RALYL: variants seen among roughly 807,000 people sequenced by gnomAD.
RALYL encodes the protein RNA-binding Raly-like protein.
A neutral mutation model predicts 35.1 loss-of-function variants in RALYL; 29 were observed. The observed-to-expected ratio is 0.83, with a 90% CI of 0.61 to 1.13. The LOEUF is 1.13. RALYL is among the 50% of genes most tolerant of loss of function. The pLI is 0.00. For synonymous variants in RALYL, 120 were observed against 127.6 expected (o/e 0.94, Z 0.40); for missense variants, 359 against 360.4 (o/e 1.00, Z 0.03).
At chr8:84,486,368 CT>C (rs2054629549) in intron 1 of RALYL, among the ~76,000 whole-genome samples, 2 of 150,516 alleles carry the variant, frequency 1.3e-5, no homozygotes, top group African/African-American at 2.4e-5. Flanking sequence ...TATATTTATA[CT>C]TTTTTGAAAA....
chr8:84,412,146 A>G (rs1476590283), intron 1 of RALYL, among the ~76,000 whole-genome samples: 1 of 151,918 alleles, frequency 6.6e-6, no homozygotes, highest in African/African-American at 2.4e-5. Flanking sequence ...ATTTTAAAGG[A>G]CAATGATAAT....
chr8:84,277,867 A>T (rs1835727306), intron 1 of RALYL, among the ~76,000 whole-genome samples: 1 of 152,198 alleles, frequency 6.6e-6, no homozygotes, highest in South Asian at 2.1e-4. Flanking sequence ...GCCTTGCAGG[A>T]TACAGCCTCG....
chr8:84,893,017 A>G (rs1424980848), intron 8 of RALYL, among the ~76,000 whole-genome samples: 2 of 152,204 alleles, frequency 1.3e-5, no homozygotes, highest in Non-Finnish European at 2.9e-5. Flanking sequence ...AAAGATATGA[A>G]CTAACTGAGG....
chr8:84,468,143 A>T (rs894759149), intron 1 of RALYL, among the ~76,000 whole-genome samples: 2 of 151,756 alleles, frequency 1.3e-5, no homozygotes, highest in Admixed American at 6.6e-5. Context: ...GTGCATTTAC[A>T]TTTAAAGTTA....
intron 1 of RALYL, among the ~76,000 whole-genome samples, chr8:84,237,728 T>TA (rs1282639465): frequency 6.6e-6 from 1 of 152,152 alleles, no homozygotes; most frequent in Non-Finnish European, 1.5e-5. Flanking sequence ...AAGTCTTTTT[T>TA]AATCTGATGA....
Position 84,532,779 on chromosome 8 carries a change from A to G in RALYL, c.256+3202A>G, listed in dbSNP as rs79258056. On this transcript the variant is annotated intron_variant, in intron 2 of 8. Coordinates refer to ENST00000521268, the MANE Select transcript of RALYL (RefSeq NM_173848.7). ...ATATGATTTAGAGATTAAAAATTAA[A>G]CATCAGTAGTACCAGGAAAAATTAA... Among the ~76,000 whole-genome samples, 718 of 152,212 alleles carry G rather than the reference A, an allele frequency of 4.7e-3. 8 individuals carry two copies. Among genetic ancestry groups the G allele is most frequent in the African/African-American group, 0.017 (700 of 41,566 alleles).
intron 4 of RALYL, among the ~76,000 whole-genome samples, chr8:84,823,000 A>T (rs1828855667): frequency 6.6e-6 from 1 of 152,158 alleles, no homozygotes. Context: ...CTGCTGCTTC[A>T]TCTCATAGTG....
chr8:84,723,299 G>A (rs985449965), intron 2 of RALYL, among the ~76,000 whole-genome samples: 5 of 151,948 alleles, frequency 3.3e-5, no homozygotes, highest in Admixed American at 6.6e-5. Context: ...TTGTGTCATG[G>A]CATCTTTCTT....
chr8:84,447,340 T>C (rs1391824817), intron 1 of RALYL, among the ~76,000 whole-genome samples: 1 of 151,858 alleles, frequency 6.6e-6, no homozygotes, highest in African/African-American at 2.4e-5. Flanking sequence ...CTTCTTTCCT[T>C]TCTTTCATAT....
At position 84,408,055 on chromosome 8, in the gene RALYL, A is replaced by G. The variant is rs76169472; in HGVS notation, c.-23-121244A>G. On this transcript the variant is annotated intron_variant, in intron 1 of 8. Coordinates refer to ENST00000521268, the MANE Select transcript of RALYL (RefSeq NM_173848.7). Reference sequence around the variant, plus strand: ...CTAATAAACCAAGAATAAGAACGCTATGAAACCTTATTTTACTTAAAAAAA... The same window carrying G: ...CTAATAAACCAAGAATAAGAACGCTGTGAAACCTTATTTTACTTAAAAAAA... 9.5e-3 allele frequency among the ~76,000 whole-genome samples: 1,439 copies of G among 152,226 alleles called. 12 individuals are homozygous for G. Among genetic ancestry groups the G allele is most frequent in the African/African-American group, 0.032 (1,328 of 41,550 alleles).
chr8:84,796,302 G>A (rs1490890537), intron 3 of RALYL, among the ~76,000 whole-genome samples: 1 of 152,180 alleles, frequency 6.6e-6, no homozygotes, highest in African/African-American at 2.4e-5. Flanking sequence ...CAGCACAGAA[G>A]CCTGGGATTG....
At chr8:84,370,760 G>A (rs763227564) in intron 1 of RALYL, among the ~76,000 whole-genome samples, 1 of 151,984 alleles carries the variant, frequency 6.6e-6, no homozygotes, top group African/African-American at 2.4e-5. Flanking sequence ...GTGCAAGTTT[G>A]TAGAAGCCTG....
In RALYL at chr8:84,613,317, G is replaced by C. The variant is rs554145395; in HGVS notation, c.256+83740G>C. ...TATACTTAAAGAAATAAACACCCTT[G>C]AACTTTTTACTGTGTTCTTTCACAA... is the stretch of plus-strand genomic sequence containing the variant. On this transcript the variant is annotated intron_variant, in intron 2 of 8. Coordinates refer to ENST00000521268, the MANE Select transcript of RALYL (RefSeq NM_173848.7). Among the ~76,000 whole-genome samples, 6 of 151,588 alleles carry C rather than the reference G, an allele frequency of 4.0e-5. No individual in the cohort carries two copies. The South Asian group carries it at 8.3e-4, about 21-fold the overall frequency.
At chr8:84,816,729 A>G (rs944453064) in intron 4 of RALYL, among the ~76,000 whole-genome samples, 6 of 152,156 alleles carry the variant, frequency 3.9e-5, no homozygotes, top group African/African-American at 1.4e-4. Context: ...CAATAATAAC[A>G]TAATTGTACA....
chr8:84,830,847 C>A (rs1218899819), intron 4 of RALYL, among the ~76,000 whole-genome samples: 1 of 151,744 alleles, frequency 6.6e-6, no homozygotes, highest in Admixed American at 6.6e-5. Context: ...AAGGAAAGTA[C>A]CTCTAAGAAA....
Position 84,206,330 on chromosome 8 carries a change from C to T in RALYL, c.-24+21906C>T, listed in dbSNP as rs147099796. ...ATCTGGAGGTAACTTCAGCCTTCCT[C>T]GTGGTACCTAAAGTCAGGTGACCTC... On this transcript the variant is annotated intron_variant, in intron 1 of 8. Coordinates refer to ENST00000521268, the MANE Select transcript of RALYL (RefSeq NM_173848.7). Among the ~76,000 whole-genome samples, 384 of 152,200 alleles carry T rather than the reference C, an allele frequency of 2.5e-3. 1 individual carries two copies. The highest frequency in any genetic ancestry group is 8.3e-3 in the African/African-American group (344 of 41,536).
chr8:84,224,094 A>C (rs1455982406), intron 1 of RALYL, among the ~76,000 whole-genome samples: 1 of 152,180 alleles, frequency 6.6e-6, no homozygotes, highest in Non-Finnish European at 1.5e-5. Flanking sequence ...TTATACATAG[A>C]TAAAAATGGT....
intron 1 of RALYL, among the ~76,000 whole-genome samples, chr8:84,187,394 G>A (rs966350492): frequency 6.6e-6 from 1 of 152,028 alleles, no homozygotes; most frequent in Non-Finnish European, 1.5e-5. Flanking sequence ...CATCATTGAA[G>A]ATTAACAGTT....
chr8:84,285,209 A>G (rs1837360760), intron 1 of RALYL, among the ~76,000 whole-genome samples: 1 of 152,148 alleles, frequency 6.6e-6, no homozygotes, highest in Admixed American at 6.5e-5. Flanking sequence ...CTCTAACAAA[A>G]CCTGTAATAC....
Sources: gnomAD v4.1 joint callset for allele counts (sites outside exome capture counted in the v4.1 genomes callset) on GRCh38, gnomAD v4.1.1 for gene constraint, MANE v1.5 for transcripts, NCBI Gene and HGNC (gene_info 2026-07-23, HGNC 2026-07-21) for gene names.